COA7: variants seen among roughly 807,000 people sequenced by gnomAD.
COA7 encodes the protein Sel1 repeat containing 1.
COA7 carries 12 observed loss-of-function variants against 21.0 expected under a neutral mutation model. That is an observed-to-expected ratio of 0.57 (90% CI 0.37 to 0.92). COA7 has a LOEUF of 0.92. Ranked by LOEUF, COA7 falls within the 40% of genes least tolerant of loss-of-function variation. The pLI, the probability that COA7 is intolerant of heterozygous loss-of-function variation, is 0.01. For synonymous variants in COA7, 95 were observed against 107.4 expected, an observed-to-expected ratio of 0.88 and a Z score of 0.72; for missense variants, 240 against 286.1, an observed-to-expected ratio of 0.84 and a Z score of 1.16.
At chr1:52,688,226 T>G in intron 2 of COA7, 58 bp from the exon 3 acceptor site, 3 of 1,355,710 alleles carry the variant, frequency 2.2e-6, no homozygotes, top group Non-Finnish European at 2.0e-6. Context: ...CCTAAATGTC[T>G]CAGGCCAAAG....
At chr1:52,692,948 G>A in intron 1 of COA7, 81 bp from the exon 2 acceptor site, 2 of 1,485,790 alleles carry the variant, frequency 1.3e-6, no homozygotes, top group Non-Finnish European at 1.9e-6. Context: ...GGGTGCCCAG[G>A]TGTGGCAGGC....
rs1056047458 is a variant in COA7 at position 52,685,264 on chromosome 1, A to G, written c.*2456T>C. The G allele has an allele frequency of 6.6e-6, 1 of 152,196 alleles. No individual in the cohort carries two copies. The highest frequency in any genetic ancestry group is 2.4e-5 in the African/African-American group (1 of 41,454). The allele number at this position is 152,196 out of a possible 1,614,324, so 9.4% of individuals were successfully genotyped here. A position where few individuals can be genotyped will look rare whatever the true frequency, so the allele number is the denominator to read the frequency against. ...AGGAATAAGAGTTCTGGTTGCTCCA[A>G]CTTTCCCAGCATTTCATGCTGTCGG... is the stretch of plus-strand genomic sequence containing the variant. On this transcript the variant is annotated 3_prime_UTR_variant, in exon 3 of 3. Transcript: ENST00000371538.
rs1048528143 is a variant in COA7 at position 52,686,865 on chromosome 1, G to C, written c.*855C>G. 2.0e-5 allele frequency: 3 copies of C among 152,106 alleles called. No homozygotes were observed. Among genetic ancestry groups the C allele is most frequent in the Non-Finnish European group, 2.9e-5 (2 of 68,030 alleles). The allele number at this position is 152,106 out of a possible 1,614,324, so 9.4% of individuals were successfully genotyped here. A position where few individuals can be genotyped will look rare whatever the true frequency, so the allele number is the denominator to read the frequency against. On this transcript the variant is annotated 3_prime_UTR_variant, in exon 3 of 3. Transcript: ENST00000371538. ...GTCACTCAAAATTGTTCATTCACAG[G>C]GACAGTTAAAAAGGCTCAGTTCCAG...
At chr1:52,689,742 C>G (rs523787) in intron 2 of COA7, among the ~76,000 whole-genome samples, 1 of 151,202 alleles carries the variant, frequency 6.6e-6, no homozygotes, top group Non-Finnish European at 1.5e-5. Context: ...ATACAAAAAT[C>G]AGGCTGGGCG....
intron 1 of COA7, among the ~76,000 whole-genome samples, chr1:52,695,012 G>C (rs1286606414): frequency 2.0e-5 from 3 of 152,124 alleles, no homozygotes; most frequent in Non-Finnish European, 4.4e-5. Context: ...ATATGATTCA[G>C]GCCAGGTGTG....
intron 2 of COA7, 33 bp from the exon 3 acceptor site, chr1:52,688,201 C>G: frequency 6.4e-7 from 1 of 1,561,470 alleles, no homozygotes; most frequent in Non-Finnish European, 8.7e-7. Flanking sequence ...AAAATAAACC[C>G]AAGCCAGGGC....
intron 2 of COA7, among the ~76,000 whole-genome samples, chr1:52,691,800 G>A (rs1644049033): frequency 6.6e-6 from 1 of 152,020 alleles, no homozygotes. Flanking sequence ...ATGTCCATAA[G>A]TTCTTTAATA....
chr1:52,692,706 CA>C lies in COA7; in HGVS notation c.247+20del. ...AGCACTGCTATCAATGACAAGGACC[CA>C]AAAGGCAGGCCCTCCTTACCTTTTC... On this transcript the variant is annotated intron_variant, in intron 2 of 2. Coordinates refer to ENST00000371538, the MANE Select transcript of COA7 (RefSeq NM_023077.3). 1 of 1,613,828 alleles carries C rather than the reference CA, an allele frequency of 6.2e-7. No individual in the cohort carries two copies. The highest frequency in any genetic ancestry group is 1.3e-5 in the African/African-American group (1 of 75,034).
chr1:52,693,722 T>G (rs958108740), intron 1 of COA7, among the ~76,000 whole-genome samples: 2 of 152,142 alleles, frequency 1.3e-5, no homozygotes, highest in Non-Finnish European at 2.9e-5. Context: ...GGCGGCAGCT[T>G]CTAATGAAAA....
chr1:52,693,400 C>T (rs965229447), intron 1 of COA7, among the ~76,000 whole-genome samples: 17 of 151,576 alleles, frequency 1.1e-4, no homozygotes, highest in Non-Finnish European at 2.1e-4. Context: ...CAGGGTAAAA[C>T]CCTGTCTCTA....
intron 2 of COA7, among the ~76,000 whole-genome samples, chr1:52,690,269 C>T (rs1423873924): frequency 1.3e-5 from 2 of 151,654 alleles, no homozygotes; most frequent in Non-Finnish European, 2.9e-5. Flanking sequence ...CTCCATGTAC[C>T]ATTACTCAAT....
chr1:52,694,158 A>C (rs982078102), intron 1 of COA7, among the ~76,000 whole-genome samples: 1 of 152,182 alleles, frequency 6.6e-6, no homozygotes, highest in Admixed American at 6.6e-5. Context: ...TAACAGGTAC[A>C]AGTGCATTAT....
chr1:52,697,844 T>G, intron 1 of COA7: 3 of 177,286 alleles, frequency 1.7e-5, no homozygotes, highest in Admixed American at 6.1e-5. Context: ...AGTGCTGGGA[T>G]TATAGGCGTG....
At chr1:52,688,993 A>G (rs575617754) in intron 2 of COA7, among the ~76,000 whole-genome samples, 2 of 152,278 alleles carry the variant, frequency 1.3e-5, no homozygotes, top group Non-Finnish European at 2.9e-5. Flanking sequence ...CAATACAATT[A>G]AAAAATACAA....
At position 52,692,889 on chromosome 1, in the gene COA7, T is replaced by A. The variant is rs202180541; in HGVS notation, c.107-22A>T. 29 of 1,613,720 alleles carry A rather than the reference T, an allele frequency of 1.8e-5. No homozygotes were observed. The East Asian group carries it at 6.2e-4, about 35-fold the overall frequency. ...CAACCTGCGAGAAGAGGGCAAGGGT[T>A]GTTCTTCATGTCTGGGGCTGCTGCT... On this transcript the variant is annotated intron_variant, in intron 1 of 2. Transcript: ENST00000371538.
intron 1 of COA7, 53 bp downstream of exon 1, chr1:52,698,168 C>G (rs994927915): frequency 2.2e-6 from 3 of 1,335,784 alleles, no homozygotes; most frequent in Non-Finnish European, 2.1e-6. Context: ...GACCAGACCT[C>G]TCCGGGCACG....
At chr1:52,691,471 T>G (rs1480333056) in intron 2 of COA7, among the ~76,000 whole-genome samples, 3 of 47,660 alleles carry the variant, frequency 6.3e-5, no homozygotes, top group East Asian at 2.9e-4. Context: ...TGTGTGTGTG[T>G]TTTTTTTTTT....
chr1:52,687,651 C>T lies in COA7; in HGVS notation c.*69G>A, dbSNP rs1290452501. On this transcript the variant is annotated 3_prime_UTR_variant, in exon 3 of 3. Transcript: ENST00000371538. ...CCAGCAGGTTGACCTTCAAGGGCTGCATCAGTCTTCAGAAACAGGAGCTGC... is the reference window on the plus strand; with the variant it reads ...CCAGCAGGTTGACCTTCAAGGGCTGTATCAGTCTTCAGAAACAGGAGCTGC... 2 of 1,489,982 alleles carry T rather than the reference C, an allele frequency of 1.3e-6. No individual in the cohort carries two copies. Among genetic ancestry groups the T allele is most frequent in the African/African-American group, 1.4e-5 (1 of 72,326 alleles). The allele number at this position is 1,489,982 out of a possible 1,614,324, so 92.3% of individuals were successfully genotyped here.
At chr1:52,698,107 C>T in intron 1 of COA7, 114 bp downstream of exon 1, 1 of 780,176 alleles carries the variant, frequency 1.3e-6, no homozygotes, top group Non-Finnish European at 2.1e-6. Context: ...ATCCACAGAC[C>T]CCGTCCCCCG....
Sources: allele counts gnomAD v4.1 joint callset (sites outside exome capture counted in the v4.1 genomes callset), GRCh38; gene constraint gnomAD v4.1.1; transcripts MANE v1.5; gene names NCBI Gene and HGNC (gene_info 2026-07-23, HGNC 2026-07-21).